Variants in RUVBL2 observed in about 807,000 individuals in gnomAD.
The protein encoded by RUVBL2 is RuvB like AAA ATPase 2, also known as ruvB-like 2.
A neutral mutation model predicts 57.9 loss-of-function variants in RUVBL2; 9 were observed. The ratio of observed to expected loss-of-function variants is 0.16; its 90% CI spans 0.09 to 0.27. The LOEUF is 0.27. Among genes scored for constraint, RUVBL2 ranks in the 10% least tolerant of loss-of-function variants. The probability of loss-of-function intolerance (pLI) is 1.00; values close to 1 mark genes in which losing one functional copy is unlikely to be tolerated. For synonymous variants in RUVBL2, 278 were observed against 264.6 expected, an observed-to-expected ratio of 1.05 and a Z score of -0.49; for missense variants, 456 against 669.6, an observed-to-expected ratio of 0.68 and a Z score of 3.52.
At chr19:48,996,752 C>G (rs1402392747) in intron 1 of RUVBL2, among the ~76,000 whole-genome samples, 2 of 152,168 alleles carry the variant, frequency 1.3e-5, no homozygotes, top group Admixed American at 6.5e-5. Flanking sequence ...GTCTCGAACT[C>G]CTGACCTCAA....
rs1051790531 is a variant in RUVBL2, at chr19:49,014,609, G to A, written c.1121+6G>A. 6.2e-7 allele frequency: 1 copy of A among 1,613,858 alleles called. No homozygotes were observed. Among genetic ancestry groups the A allele is most frequent in the Non-Finnish European group, 8.5e-7 (1 of 1,179,922 alleles). On this transcript the variant is annotated splice_donor_region_variant and intron_variant, in intron 12 of 14. Transcript: ENST00000595090. ...AAGCAGATCCTCCGCATCCGGTGCGGGCAGGACCAGGCCGTGCGCCTGAGA... is the reference window on the plus strand; with the variant it reads ...AAGCAGATCCTCCGCATCCGGTGCGAGCAGGACCAGGCCGTGCGCCTGAGA...
At chr19:48,998,213 T>C (rs1368125086) in intron 1 of RUVBL2, among the ~76,000 whole-genome samples, 1 of 152,160 alleles carries the variant, frequency 6.6e-6, no homozygotes. Context: ...CAGCACTTGA[T>C]CTAATTCAGT....
At chr19:48,999,002 G>A (rs1044375171) in intron 1 of RUVBL2, among the ~76,000 whole-genome samples, 4 of 152,042 alleles carry the variant, frequency 2.6e-5, no homozygotes, top group African/African-American at 7.2e-5. Context: ...ACTCCAGCCT[G>A]GGTGACAGAG....
chr19:49,007,237 T>C (rs1399580905), intron 5 of RUVBL2, 65 bp from the exon 6 acceptor site: 102 of 1,607,638 alleles, frequency 6.3e-5, no homozygotes, highest in Non-Finnish European at 8.3e-5. Flanking sequence ...CCAGAGCTCA[T>C]GGAAGGTTGT....
chr19:49,005,080 T>C (rs1338311391), intron 4 of RUVBL2, among the ~76,000 whole-genome samples: 1 of 152,160 alleles, frequency 6.6e-6, no homozygotes, highest in Non-Finnish European at 1.5e-5. Flanking sequence ...CGCTAGTGGT[T>C]TATGATCTTT....
chr19:49,015,661 G>C lies in RUVBL2; in HGVS notation c.1341G>C (p.Gln447His). The C allele has an allele frequency of 6.2e-7, 1 of 1,614,114 alleles. No individual in the cohort carries two copies. The highest frequency in any genetic ancestry group is 8.5e-7 in the Non-Finnish European group (1 of 1,180,006). Residue 447 changes from glutamine (Q) to histidine (H), a missense_variant, in exon 14 of 15, where the codon CAG becomes CAC. By Grantham distance (24) the Gln-to-His change is conservative. Around this residue, in one of 5 missense-constraint regions of RUVBL2, gnomAD observed 67 missense variants for 71.5 expected, o/e 0.94. Coordinates refer to ENST00000595090, the MANE Select transcript of RUVBL2 (RefSeq NM_006666.3). ...CCACGCAGTACATGAAGGAGTACCAGGACGCCTTCCTCTTCAACGAACTCA... is the reference window on the plus strand; with the variant it reads ...CCACGCAGTACATGAAGGAGTACCACGACGCCTTCCTCTTCAACGAACTCA... ...SRSTQYMKEY[Q>H]DAFLFNELKG...
At chr19:48,999,486 G>C in intron 2 of RUVBL2, 113 bp downstream of exon 2, 1 of 1,050,440 alleles carries the variant, frequency 9.5e-7, no homozygotes, top group South Asian at 1.3e-5. Context: ...CACACCAACT[G>C]TGCCCCCACT....
In RUVBL2 at chr19:49,007,173, C is replaced by T. The variant is rs139005947; in HGVS notation, c.395+26C>T. 2,393 of 1,612,656 alleles carry T rather than the reference C, an allele frequency of 1.5e-3. 40 individuals are homozygous for T. The African/African-American group carries it at 0.028, about 19-fold the overall frequency. ...GTAAGCGGGGGACCCGAGGCGGGTG[C>T]CAGACCCCAGAGCCTGGGAGCAACC... is the stretch of plus-strand genomic sequence containing the variant. On this transcript the variant is annotated intron_variant, in intron 5 of 14. Coordinates refer to ENST00000595090, the MANE Select transcript of RUVBL2 (RefSeq NM_006666.3).
At chr19:49,004,544 A>G in intron 4 of RUVBL2, 126 bp downstream of exon 4, 6 of 922,442 alleles carry the variant, frequency 6.5e-6, no homozygotes, top group Admixed American at 5.1e-5. Context: ...AACACTCAGG[A>G]TTCATTCTTG....
chr19:49,006,044 C>T (rs545863221), intron 4 of RUVBL2, among the ~76,000 whole-genome samples: 2 of 152,372 alleles, frequency 1.3e-5, no homozygotes, highest in South Asian at 4.1e-4. Flanking sequence ...TGGGGTGAGG[C>T]TAGCCTCGCC....
rs376343478 is a variant in RUVBL2 at position 49,007,106 on chromosome 19, G to A, written c.354G>A (p.Ala118=). The A allele has an allele frequency of 1.8e-4, 287 of 1,613,174 alleles. No homozygotes were observed. Among genetic ancestry groups the A allele is most frequent in the Non-Finnish European group, 2.3e-4 (268 of 1,180,060 alleles). ...CCCTGGAGATGAGCAAGACCGAGGC[G>A]CTGACGCAGGCCTTCCGGCGGTCCA... ...IFSLEMSKTE[A]LTQAFRRSIG... Residue 118 remains alanine (A), a synonymous_variant, in exon 5 of 15, where the codon GCG becomes GCA. Transcript: ENST00000595090.
At chr19:49,004,191 G>C in intron 3 of RUVBL2, 86 bp from the exon 4 acceptor site, 1 of 1,559,742 alleles carries the variant, frequency 6.4e-7, no homozygotes. Flanking sequence ...AGTAATGTCT[G>C]CTTCCATCTC....
Position 49,010,622 on chromosome 19 carries a change from T to C in RUVBL2, c.787+11T>C. On this transcript the variant is annotated intron_variant, in intron 9 of 14. Coordinates refer to ENST00000595090, the MANE Select transcript of RUVBL2 (RefSeq NM_006666.3). Reference sequence around the variant, plus strand: ...TGGCGCTCTTCTCAGGTGAGGCCCCTCCTGCCCTGCCCTGCCCTGCCCTGC... The same window carrying C: ...TGGCGCTCTTCTCAGGTGAGGCCCCCCCTGCCCTGCCCTGCCCTGCCCTGC... The C allele has an allele frequency of 6.2e-7, 1 of 1,613,154 alleles. No homozygotes were observed. Among genetic ancestry groups the C allele is most frequent in the East Asian group, 2.2e-5 (1 of 44,852 alleles).
chr19:49,013,252 G>A lies in RUVBL2; in HGVS notation c.1002-1232G>A, dbSNP rs532176671. Among the ~76,000 whole-genome samples the A allele has an allele frequency of 1.6e-3, 235 of 151,034 alleles. 1 individual carries two copies. Among genetic ancestry groups the A allele is most frequent in the African/African-American group, 5.4e-3 (221 of 41,082 alleles). On this transcript the variant is annotated intron_variant, in intron 11 of 14. Coordinates refer to ENST00000595090, the MANE Select transcript of RUVBL2 (RefSeq NM_006666.3). ...GTTGAGATTACAGGGGTGAGTCACC[G>A]CGTCCGGCCTAATTTTTTTTTTTTT...
At chr19:49,008,460 C>T (rs1280489962) in intron 6 of RUVBL2, among the ~76,000 whole-genome samples, 1 of 150,066 alleles carries the variant, frequency 6.7e-6, no homozygotes, top group Non-Finnish European at 1.5e-5. Flanking sequence ...GATCTCCTGA[C>T]CTTGTGATCT....
chr19:49,008,746 G>A (rs1274356457), intron 6 of RUVBL2, among the ~76,000 whole-genome samples: 1 of 151,972 alleles, frequency 6.6e-6, no homozygotes, highest in Non-Finnish European at 1.5e-5. Flanking sequence ...GGGAGGCCGA[G>A]GCGGGTGGAT....
At chr19:49,003,418 A>G (rs2039222080) in intron 3 of RUVBL2, 84 bp downstream of exon 3, 1 of 1,282,272 alleles carries the variant, frequency 7.8e-7, no homozygotes, top group Non-Finnish European at 1.1e-6. Flanking sequence ...GAGTGTGGGG[A>G]CTATGTTACG....
In RUVBL2 at chr19:49,005,934, T is replaced by G. The variant is rs1221321088; in HGVS notation, c.266-1084T>G. On this transcript the variant is annotated intron_variant, in intron 4 of 14. Transcript: ENST00000595090. ...GGATTACAGGCGGGAGCCTGTAGAC[T>G]TTATTTTTTAGGCATGTTGTGACTG... Among the ~76,000 whole-genome samples, 3 of 152,180 alleles carry G rather than the reference T, an allele frequency of 2.0e-5. No individual in the cohort carries two copies. The East Asian group carries it at 5.8e-4, about 29-fold the overall frequency.
At chr19:49,001,552 C>T (rs2039183044) in intron 2 of RUVBL2, 1 of 150,694 alleles carries the variant, frequency 6.6e-6, no homozygotes. Flanking sequence ...TAGCTGCACC[C>T]AGGAGCCTCC....
Sources: allele counts gnomAD v4.1 joint callset (sites outside exome capture counted in the v4.1 genomes callset), GRCh38; gene constraint gnomAD v4.1.1; regional missense constraint gnomAD v4.1.1; transcripts MANE v1.5; gene names NCBI Gene and HGNC (gene_info 2026-07-23, HGNC 2026-07-21).